NAPRT: variants seen among roughly 807,000 people sequenced by gnomAD.
The protein encoded by NAPRT is FHA-HIT-interacting protein.
Under a neutral mutation model 60.7 loss-of-function variants are expected in NAPRT, and 66 were observed. The observed-to-expected ratio is 1.09, with a 90% CI of 0.89 to 1.33. The LOEUF (loss-of-function observed/expected upper bound fraction) is 1.33, where lower values mean the gene tolerates loss of function less well. NAPRT is among the 40% of genes most tolerant of loss of function. The pLI is 0.00. For missense variants in NAPRT, 818 were observed against 731.5 expected, an observed-to-expected ratio of 1.12 and a Z score of -1.36; for synonymous variants, 405 against 335.7, an observed-to-expected ratio of 1.21 and a Z score of -2.26.
chr8:143,577,172 C>A lies in NAPRT; in HGVS notation c.574G>T (p.Asp192Tyr). Residue 192 changes from aspartate (D) to tyrosine (Y), a missense_variant, in exon 5 of 13, where the codon GAC becomes TAC. Physicochemically the swap from Asp to Tyr is radical, Grantham distance 160. Coordinates refer to ENST00000449291, the MANE Select transcript of NAPRT (RefSeq NM_145201.6). ...ASTYSYLGGFDSSSNVLAGQL... is the reference protein window; with the variant it reads ...ASTYSYLGGFYSSSNVLAGQL... ...CCCGCTAGCACGTTGCTGCTGCTGT[C>A]GAAGCCTGGGGAGGAAGGCGGTGGG... The A allele has an allele frequency of 6.2e-7, 1 of 1,611,688 alleles. No homozygotes were observed.
In NAPRT at chr8:143,574,910, G is replaced by A. The variant is rs777022038; in HGVS notation, c.1555-10C>T. ...TCTCGGACAGCACCACCTGCAGGGAGCAGAGGACAGGAGCGGTGGGCAGGG... is the reference window on the plus strand; with the variant it reads ...TCTCGGACAGCACCACCTGCAGGGAACAGAGGACAGGAGCGGTGGGCAGGG... On this transcript the variant is annotated splice_polypyrimidine_tract_variant and intron_variant, in intron 12 of 12. Coordinates refer to ENST00000449291, the MANE Select transcript of NAPRT (RefSeq NM_145201.6). 23 of 1,550,512 alleles carry A rather than the reference G, an allele frequency of 1.5e-5. No individual in the cohort carries two copies. Among genetic ancestry groups the A allele is most frequent in the Non-Finnish European group, 1.9e-5 (22 of 1,147,006 alleles).
At chr8:143,572,932 G>A (rs543317266), downstream of NAPRT, 23 of 532,426 alleles carry the variant, frequency 4.3e-5, no homozygotes, top group East Asian at 7.5e-4. Context: ...TGCAGCCTGA[G>A]TGCCTGTGGT....
Position 143,574,812 on chromosome 8 carries a change from G to A in NAPRT, c.*26C>T. On this transcript the variant is annotated 3_prime_UTR_variant, in exon 13 of 13. Transcript: ENST00000449291. ...TGGGGAAAAGTGAGTGATTCGTGTTGTTTCCAGTCAGCCCCGCTCCGAGTC... is the reference window on the plus strand; with the variant it reads ...TGGGGAAAAGTGAGTGATTCGTGTTATTTCCAGTCAGCCCCGCTCCGAGTC... 15 of 1,550,560 alleles carry A rather than the reference G, an allele frequency of 9.7e-6. No homozygotes were observed. The highest frequency in any genetic ancestry group is 1.3e-5 in the Non-Finnish European group (15 of 1,146,816).
intron 9 of NAPRT, 21 bp from the exon 10 acceptor site, chr8:143,575,546 G>C (rs778068428): frequency 6.3e-6 from 10 of 1,596,766 alleles, no homozygotes; most frequent in Non-Finnish European, 8.6e-6. Flanking sequence ...AGGGCGTTGA[G>C]CTGGCTGGTC....
chr8:143,574,913 G>A lies in NAPRT; in HGVS notation c.1555-13C>T. 6.4e-7 allele frequency: 1 copy of A among 1,550,658 alleles called. No homozygotes were observed. The highest frequency in any genetic ancestry group is 8.7e-7 in the Non-Finnish European group (1 of 1,147,012). ...CGGACAGCACCACCTGCAGGGAGCAGAGGACAGGAGCGGTGGGCAGGGTGA... is the reference window on the plus strand; with the variant it reads ...CGGACAGCACCACCTGCAGGGAGCAAAGGACAGGAGCGGTGGGCAGGGTGA... On this transcript the variant is annotated splice_polypyrimidine_tract_variant and intron_variant, in intron 12 of 12. Coordinates refer to ENST00000449291, the MANE Select transcript of NAPRT (RefSeq NM_145201.6).
At chr8:143,574,692 C>T (rs918918996), downstream of NAPRT, 6 of 917,040 alleles carry the variant, frequency 6.5e-6, no homozygotes, top group East Asian at 2.6e-5. Flanking sequence ...CCTGCTACCT[C>T]GAGCTCAGAT....
At position 143,575,099 on chromosome 8, in the gene NAPRT, G is replaced by T. The variant is rs2290417; in HGVS notation, c.1447-6C>A. ...GATGGGAGCGGCTCACACAGCTGCAGGGAGGAGGTAAGGAAAGAGAAGCTT... is the reference window on the plus strand; with the variant it reads ...GATGGGAGCGGCTCACACAGCTGCATGGAGGAGGTAAGGAAAGAGAAGCTT... On this transcript the variant is annotated splice_polypyrimidine_tract_variant and splice_region_variant and intron_variant, in intron 11 of 12. Coordinates refer to ENST00000449291, the MANE Select transcript of NAPRT (RefSeq NM_145201.6). The T allele has an allele frequency of 4.0e-5, 61 of 1,527,158 alleles. No individual in the cohort carries two copies. The highest frequency in any genetic ancestry group is 5.1e-5 in the Non-Finnish European group (58 of 1,132,734). The allele number at this position is 1,527,158 out of a possible 1,614,324, so 94.6% of individuals were successfully genotyped here. A position where few individuals can be genotyped will look rare whatever the true frequency, so the allele number is the denominator to read the frequency against.
At position 143,576,644 on chromosome 8, in the gene NAPRT, AC is replaced by A. The variant is rs1824482233; in HGVS notation, c.881+1del. 6.2e-7 allele frequency: 1 copy of A among 1,606,568 alleles called. No homozygotes were observed. The highest frequency in any genetic ancestry group is 8.5e-7 in the Non-Finnish European group (1 of 1,175,718). On this transcript the variant is annotated splice_donor_variant, in intron 6 of 12. Transcript: ENST00000449291. LOFTEE classifies it high-confidence loss of function. ...GCCCACCCCTAAAGTGCCCGGGCTC[AC>A]CTCCACACGCTGTAGGTGTCCAGGA...
Position 143,576,813 on chromosome 8 carries a change from A to C in NAPRT, c.714T>G (p.Pro238=). ...PMLAPAAGEG[P]GVDLAAKAQV... The stretch of plus-strand genomic sequence containing the variant: ...GGGCTTTGGCCGCCAGGTCCACCCC[A>C]GGGCCCTCACCAGCTGCTGGCGCCA... Residue 238 remains proline, a synonymous_variant, in exon 6 of 13, where the codon CCT becomes CCG. Transcript: ENST00000449291. The C allele has an allele frequency of 6.2e-7, 1 of 1,603,784 alleles. No homozygotes were observed. Among genetic ancestry groups the C allele is most frequent in the African/African-American group, 1.3e-5 (1 of 74,842 alleles).
rs1824527408 is a variant in NAPRT, at chr8:143,577,153, A to C, written c.593T>G (p.Leu198Arg). The C allele has an allele frequency of 6.2e-7, 1 of 1,612,574 alleles. No individual in the cohort carries two copies. Among genetic ancestry groups the C allele is most frequent in the Non-Finnish European group, 8.5e-7 (1 of 1,179,786 alleles). Residue 198 changes from leucine (L) to arginine (R), a missense_variant, in exon 5 of 13, where the codon CTA becomes CGA. Physicochemically the swap from Leu to Arg is moderately radical, Grantham distance 102. Transcript: ENST00000449291. Reference protein sequence around the residue: ...LGGFDSSSNVLAGQLRGVPVA... With the variant: ...LGGFDSSSNVRAGQLRGVPVA... ...CGGCACACCTCGCAGCTGGCCCGCTAGCACGTTGCTGCTGCTGTCGAAGCC... is the reference window on the plus strand; with the variant it reads ...CGGCACACCTCGCAGCTGGCCCGCTCGCACGTTGCTGCTGCTGTCGAAGCC...
rs1344675048 is a variant in NAPRT, at chr8:143,576,152, G to A, written c.1033C>T (p.Pro345Ser). Residue 345 changes from proline (P) to serine (S), a missense_variant, in exon 8 of 13, where the codon CCC becomes TCC. Pro to Ser is a moderately conservative substitution (Grantham distance 74). Coordinates refer to ENST00000449291, the MANE Select transcript of NAPRT (RefSeq NM_145201.6). ...ACGATGAGGACTGACTCCAGCCAGGGCACCTGGAACCTGCCGCGTGGGTGG... is the reference window on the plus strand; with the variant it reads ...ACGATGAGGACTGACTCCAGCCAGGACACCTGGAACCTGCCGCGTGGGTGG... ...FRAAAAQFQV[P>S]WLESVLIVVS... The A allele has an allele frequency of 6.2e-7, 1 of 1,600,412 alleles. No individual in the cohort carries two copies. The highest frequency in any genetic ancestry group is 8.5e-7 in the Non-Finnish European group (1 of 1,171,448).
In NAPRT at chr8:143,574,869, A is replaced by G; in HGVS notation, c.1586T>C (p.Val529Ala). The G allele has an allele frequency of 1.9e-6, 3 of 1,550,626 alleles. No homozygotes were observed. Among genetic ancestry groups the G allele is most frequent in the Non-Finnish European group, 2.6e-6 (3 of 1,147,006 alleles). ...VVLSERLQAL[V>A]NSLCAGQSP ...GGACTGCCCCGCACACAGACTGTTC[A>G]CCAGGGCCTGCAGCCTCTCGGACAG... is the stretch of plus-strand genomic sequence containing the variant. Residue 529 changes from valine (V) to alanine (A), a missense_variant, in exon 13 of 13, where the codon GTG becomes GCG. Transcript: ENST00000449291.
At chr8:143,574,693 G>GGA, downstream of NAPRT, 2 of 920,724 alleles carry the variant, frequency 2.2e-6, no homozygotes, top group Non-Finnish European at 3.4e-6. Flanking sequence ...CTGCTACCTC[G>GGA]AGCTCAGATT....
At chr8:143,578,067 G>T (rs752918869) in intron 1 of NAPRT, 26 bp downstream of exon 1, 41 of 1,497,386 alleles carry the variant, frequency 2.7e-5, no homozygotes, top group Non-Finnish European at 3.6e-5. Context: ...GGGCGTGGGG[G>T]GCTCGTCGCG....
rs1007354206 is a variant in NAPRT, at chr8:143,574,857, C to T, written c.1598G>A (p.Cys533Tyr). The T allele has an allele frequency of 1.0e-5, 16 of 1,550,658 alleles. No homozygotes were observed. Among genetic ancestry groups the T allele is most frequent in the Non-Finnish European group, 1.2e-5 (14 of 1,146,996 alleles). The change falls in exon 13 of 13, where the codon TGT becomes TAT. Residue 533 changes from cysteine to tyrosine, a missense_variant. Cys to Tyr is a radical substitution (Grantham distance 194, BLOSUM62 -2). Transcript: ENST00000449291. ...ERLQALVNSL[C>Y]AGQSP is the part of the protein sequence containing the mutation. ...CGAGTCTCAGGGGGACTGCCCCGCA[C>T]ACAGACTGTTCACCAGGGCCTGCAG... is the stretch of plus-strand genomic sequence containing the variant.
At chr8:143,574,698 C>T, downstream of NAPRT, 2 of 992,288 alleles carry the variant, frequency 2.0e-6, no homozygotes, top group Non-Finnish European at 3.1e-6. Context: ...ACCTCGAGCT[C>T]AGATTCCCGA....
chr8:143,572,952 C>T, downstream of NAPRT: 1 of 488,866 alleles, frequency 2.0e-6, no homozygotes, highest in East Asian at 3.4e-5. Flanking sequence ...TGTGGCTCTA[C>T]CCACCAGGGC....
intron 5 of NAPRT, 80 bp downstream of exon 5, chr8:143,576,982 G>T (rs1563933255): frequency 6.5e-7 from 1 of 1,531,944 alleles, no homozygotes; most frequent in Non-Finnish European, 9.0e-7. Context: ...GACCTGCCTG[G>T]GTGGCACACC....
chr8:143,578,291 G>T lies in NAPRT; in HGVS notation c.28C>A (p.Arg10Ser). The T allele has an allele frequency of 7.1e-7, 1 of 1,403,924 alleles. No homozygotes were observed. The highest frequency in any genetic ancestry group is 1.5e-5 in the African/African-American group (1 of 65,854). 87.0% of individuals were successfully genotyped at this position (1,403,924 alleles called of 1,614,324 possible). A position where few individuals can be genotyped will look rare whatever the true frequency, so the allele number is the denominator to read the frequency against. Residue 10 changes from arginine to serine, a missense_variant, in exon 1 of 13, where the codon CGC becomes AGC. By Grantham distance (110) the Arg-to-Ser change is moderately radical. Coordinates refer to ENST00000449291, the MANE Select transcript of NAPRT (RefSeq NM_145201.6). ...GTGAGCAGCGGCCGCGCCGCCGCGCGCGCCTCGGGGTCCTGCTCCGCCGCC... is the reference window on the plus strand; with the variant it reads ...GTGAGCAGCGGCCGCGCCGCCGCGCTCGCCTCGGGGTCCTGCTCCGCCGCC... MAAEQDPEA[R>S]AAARPLLTDL...
Sources: allele counts gnomAD v4.1 joint callset, GRCh38; gene constraint gnomAD v4.1.1; transcripts MANE v1.5; gene names NCBI Gene and HGNC (gene_info 2026-07-23, HGNC 2026-07-21).